Variants in CDKAL1 observed in about 807,000 individuals in gnomAD.
CDKAL1 encodes threonylcarbamoyladenosine tRNA methylthiotransferase.
In CDKAL1, 32 loss-of-function variants were observed where a neutral mutation model predicts 68.2. The observed-to-expected ratio is 0.47, with a 90% CI of 0.35 to 0.63. The LOEUF (loss-of-function observed/expected upper bound fraction) is 0.63. Ranked by LOEUF, CDKAL1 falls within the 30% of genes least tolerant of loss-of-function variation. The probability of loss-of-function intolerance (pLI) is 0.00; values close to 1 mark genes in which losing one functional copy is unlikely to be tolerated. For synonymous variants in CDKAL1, 234 were observed against 244.3 expected, an observed-to-expected ratio of 0.96 and a Z score of 0.39; for missense variants, 606 against 696.7, an observed-to-expected ratio of 0.87 and a Z score of 1.47.
rs998634863 is a variant in CDKAL1 at position 20,592,982 on chromosome 6, C to T, written c.286+44277C>T. ...GTGATGGATTACATCTATTGATTTG[C>T]GTATGTTGAACCAGCCTTGCATCCC... is the stretch of plus-strand genomic sequence containing the variant. On this transcript the variant is annotated intron_variant, in intron 4 of 15. Coordinates refer to ENST00000274695, the MANE Select transcript of CDKAL1 (RefSeq NM_017774.3). 3.3e-5 allele frequency among the ~76,000 whole-genome samples: 5 copies of T among 152,042 alleles called. No individual in the cohort carries two copies. In the East Asian group the frequency reaches 5.8e-4, roughly 18 times the overall value.
chr6:21,062,211 C>T (rs1306544850), intron 11 of CDKAL1, among the ~76,000 whole-genome samples: 1 of 152,096 alleles, frequency 6.6e-6, no homozygotes, highest in Non-Finnish European at 1.5e-5. Context: ...AGGACAATAA[C>T]CTTTGTTTTT....
intron 13 of CDKAL1, among the ~76,000 whole-genome samples, chr6:21,192,262 C>T (rs1451450501): frequency 6.6e-6 from 1 of 150,690 alleles, no homozygotes; most frequent in Non-Finnish European, 1.5e-5. Flanking sequence ...ACCTCATGAT[C>T]CACCCGCCTC....
chr6:20,712,958 C>G (rs1232532815), intron 5 of CDKAL1, among the ~76,000 whole-genome samples: 1 of 148,932 alleles, frequency 6.7e-6, no homozygotes, highest in Non-Finnish European at 1.5e-5. Flanking sequence ...TTTAAAAATG[C>G]TGTATATTAC....
intron 9 of CDKAL1, among the ~76,000 whole-genome samples, chr6:20,941,317 T>C (rs1763963725): frequency 6.6e-6 from 1 of 152,170 alleles, no homozygotes; most frequent in South Asian, 2.1e-4. Context: ...ATCATAATTA[T>C]AGTCAGCATT....
At chr6:20,804,334 G>A (rs1776479954) in intron 8 of CDKAL1, among the ~76,000 whole-genome samples, 1 of 152,202 alleles carries the variant, frequency 6.6e-6, no homozygotes, top group Non-Finnish European at 1.5e-5. Flanking sequence ...AGAGAAAATA[G>A]AATGAGAGAG....
intron 13 of CDKAL1, among the ~76,000 whole-genome samples, chr6:21,161,304 A>G (rs1429875471): frequency 3.9e-5 from 6 of 152,212 alleles, no homozygotes; most frequent in Admixed American, 3.3e-4. Context: ...GTATTTTTCA[A>G]TACAGCACCA....
chr6:20,536,767 G>T (rs1038394595), intron 2 of CDKAL1, among the ~76,000 whole-genome samples: 1 of 152,138 alleles, frequency 6.6e-6, no homozygotes, highest in Non-Finnish European at 1.5e-5. Context: ...GATGGGAGGA[G>T]TTTGAGACCA....
chr6:21,159,005 G>A (rs184547594), intron 13 of CDKAL1, among the ~76,000 whole-genome samples: 13 of 151,520 alleles, frequency 8.6e-5, no homozygotes, highest in Admixed American at 7.2e-4. Flanking sequence ...TTCCAAATAC[G>A]TTTTTGTTTT....
chr6:20,820,304 T>A (rs887611016), intron 8 of CDKAL1, among the ~76,000 whole-genome samples: 4 of 152,156 alleles, frequency 2.6e-5, no homozygotes, highest in African/African-American at 9.7e-5. Context: ...GTCATTCTGC[T>A]CTAATGATAG....
At chr6:21,024,511 T>C (rs763759549) in intron 11 of CDKAL1, among the ~76,000 whole-genome samples, 1 of 151,630 alleles carries the variant, frequency 6.6e-6, no homozygotes, top group African/African-American at 2.4e-5. Flanking sequence ...GTTGAAGAAA[T>C]CAAGAGAAAG....
At chr6:20,561,446 G>GAAACAAAAAAAAAA (rs1764263011) in intron 4 of CDKAL1, among the ~76,000 whole-genome samples, 1 of 79,652 alleles carries the variant, frequency 1.3e-5, no homozygotes, top group African/African-American at 4.9e-5. Flanking sequence ...TCTCAAAAAA[G>GAAACAAAAAAAAAA]AAAAAAAAAA....
chr6:21,175,736 G>A (rs1272681396), intron 13 of CDKAL1, among the ~76,000 whole-genome samples: 2 of 152,176 alleles, frequency 1.3e-5, no homozygotes, highest in Non-Finnish European at 2.9e-5. Context: ...CTTGAAAGGT[G>A]TTGTTTGACT....
chr6:20,853,388 AAACAAAAAAAAAAC>A (rs1554130935), intron 9 of CDKAL1, among the ~76,000 whole-genome samples: 1,632 of 27,370 alleles, frequency 0.06, 22 homozygotes, highest in Admixed American at 0.17. Flanking sequence ...TCAAAAAACA[AAACAAAAAAAAAAC>A]AAAAAAAAAA....
At chr6:20,853,386 C>CAAA (rs751328082) in intron 9 of CDKAL1, among the ~76,000 whole-genome samples, 2 of 32,484 alleles carry the variant, frequency 6.2e-5, no homozygotes, top group Non-Finnish European at 1.2e-4. Context: ...TCTCAAAAAA[C>CAAA]AAAACAAAAA....
At chr6:20,677,033 T>C (rs747008453) in intron 5 of CDKAL1, among the ~76,000 whole-genome samples, 49 of 152,204 alleles carry the variant, frequency 3.2e-4, no homozygotes, top group Non-Finnish European at 5.9e-4. Context: ...ATTTCTTCTG[T>C]TTTTATTATT....
intron 6 of CDKAL1, chr6:20,756,228 T>C (rs866845323): frequency 6.6e-6 from 1 of 152,316 alleles, no homozygotes; most frequent in Middle Eastern, 3.4e-3. Context: ...AAATAGTTAC[T>C]TGTACGAACC....
At chr6:20,616,839 CCACA>C (rs756883799) in intron 4 of CDKAL1, among the ~76,000 whole-genome samples, 1,571 of 121,364 alleles carry the variant, frequency 0.013, 20 homozygotes, top group African/African-American at 0.035. Context: ...CCCGACTCTA[CCACA>C]CACACACACA....
intron 13 of CDKAL1, among the ~76,000 whole-genome samples, chr6:21,138,825 A>G (rs979280278): frequency 2.0e-5 from 3 of 152,164 alleles, no homozygotes; most frequent in African/African-American, 7.2e-5. Context: ...ATCTGTATAC[A>G]TGAGGTCAAA....
chr6:20,626,104 T>C (rs1767420835), intron 4 of CDKAL1, among the ~76,000 whole-genome samples: 1 of 152,210 alleles, frequency 6.6e-6, no homozygotes, highest in South Asian at 2.1e-4. Flanking sequence ...AAGTTCACTT[T>C]TGTTACATTT....
Sources: allele counts gnomAD v4.1 joint callset (sites outside exome capture counted in the v4.1 genomes callset), GRCh38; gene constraint gnomAD v4.1.1; transcripts MANE v1.5; gene names NCBI Gene and HGNC (gene_info 2026-07-23, HGNC 2026-07-21).